UTRN: variants seen among roughly 807,000 people sequenced by gnomAD.
UTRN encodes the protein utrophin.
UTRN carries 283 observed loss-of-function variants against 463.9 expected under a neutral mutation model. The ratio of observed to expected loss-of-function variants is 0.61; its 90% CI spans 0.55 to 0.67. UTRN has a LOEUF of 0.67. Among genes scored for constraint, UTRN ranks in the 30% least tolerant of loss-of-function variants. The probability of loss-of-function intolerance (pLI) is 0.00; values close to 1 mark genes in which losing one functional copy is unlikely to be tolerated. For synonymous variants in UTRN, 1,442 were observed against 1,431.5 expected (o/e 1.01, Z -0.17); for missense variants, 3,922 against 4,084.3 (o/e 0.96, Z 1.08).
chr6:144,723,966 T>C lies in UTRN; in HGVS notation c.7810-6391T>C, dbSNP rs185851029. Among the ~76,000 whole-genome samples the C allele has an allele frequency of 7.4e-4, 94 of 127,074 alleles. No individual in the cohort carries two copies. The East Asian group carries it at 0.013, about 17-fold the overall frequency. The allele number at this position is 127,074 out of a possible 152,430, so 83.4% of individuals were successfully genotyped here. A position where few individuals can be genotyped will look rare whatever the true frequency, so the allele number is the denominator to read the frequency against. ...CAGAGGTTGCAGTGAGCCAAGATCA[T>C]GCCACTGCACTCCAGCTTGGGCGAC... On this transcript the variant is annotated intron_variant, in intron 53 of 74. Transcript: ENST00000367545.
intron 57 of UTRN, among the ~76,000 whole-genome samples, chr6:144,756,158 G>T (rs141105800): frequency 6.6e-6 from 1 of 152,182 alleles, no homozygotes; most frequent in African/African-American, 2.4e-5. Flanking sequence ...ATACTTATTA[G>T]ATTATTAAGT....
intron 51 of UTRN, among the ~76,000 whole-genome samples, chr6:144,597,996 A>C (rs1803832388): frequency 1.3e-5 from 2 of 152,350 alleles, no homozygotes; most frequent in South Asian, 4.1e-4. Context: ...ACAATGTTTG[A>C]AACATAGGGT....
At chr6:144,442,312 T>C (rs1180347414) in intron 13 of UTRN, among the ~76,000 whole-genome samples, 1 of 152,112 alleles carries the variant, frequency 6.6e-6, no homozygotes, top group Admixed American at 6.5e-5. Context: ...CTTCCACAGG[T>C]ACCCTAAATT....
At chr6:144,340,942 C>T (rs1777093691) in intron 2 of UTRN, among the ~76,000 whole-genome samples, 1 of 152,204 alleles carries the variant, frequency 6.6e-6, no homozygotes, top group Non-Finnish European at 1.5e-5. Flanking sequence ...GAAGCCTTTG[C>T]ACTTGTGTGT....
intron 54 of UTRN, among the ~76,000 whole-genome samples, chr6:144,746,656 T>C (rs1387883673): frequency 1.3e-5 from 2 of 151,656 alleles, no homozygotes; most frequent in Non-Finnish European, 2.9e-5. Flanking sequence ...TTTATATTTT[T>C]AGTAGAGATG....
At chr6:144,503,873 A>T (rs181331083) in intron 34 of UTRN, among the ~76,000 whole-genome samples, 26 of 152,304 alleles carry the variant, frequency 1.7e-4, no homozygotes, top group African/African-American at 6.0e-4. Flanking sequence ...CTTCCTATCC[A>T]CGAGCATGGA....
Position 144,459,156 on chromosome 6 carries a change from G to T in UTRN, c.2527-18G>T. On this transcript the variant is annotated intron_variant, in intron 20 of 74. Coordinates refer to ENST00000367545, the MANE Select transcript of UTRN (RefSeq NM_007124.3). ...TTCATCTTCAGTGAGTTGTGTGACC[G>T]TATTTTCTCTTCCTTAGCGGGAATT... 5 of 1,603,794 alleles carry T rather than the reference G, an allele frequency of 3.1e-6. 1 individual carries two copies. The South Asian group carries it at 5.6e-5, about 18-fold the overall frequency.
chr6:144,568,613 C>T (rs1800644882), intron 50 of UTRN, among the ~76,000 whole-genome samples: 3 of 152,124 alleles, frequency 2.0e-5, no homozygotes, highest in Non-Finnish European at 2.9e-5. Flanking sequence ...ACCTTTTTTG[C>T]GATCGGCACA....
intron 51 of UTRN, among the ~76,000 whole-genome samples, chr6:144,582,751 T>C (rs1802090657): frequency 6.6e-6 from 1 of 152,236 alleles, no homozygotes; most frequent in African/African-American, 2.4e-5. Context: ...ACTGGATCGC[T>C]CTGCTTTTAG....
intron 26 of UTRN, among the ~76,000 whole-genome samples, 181 bp downstream of exon 26, chr6:144,480,163 A>G (rs998338758): frequency 2.6e-5 from 4 of 152,252 alleles, no homozygotes; most frequent in African/African-American, 9.6e-5. Flanking sequence ...GAAGAAAGCC[A>G]GGAGTCCACA....
intron 43 of UTRN, among the ~76,000 whole-genome samples, chr6:144,536,461 C>G (rs1797542312): frequency 6.6e-6 from 1 of 151,966 alleles, no homozygotes; most frequent in Non-Finnish European, 1.5e-5. Context: ...TATTTTTAAT[C>G]TTAAAGGAGC....
chr6:144,444,125 G>C lies in UTRN; in HGVS notation c.1513-156G>C, dbSNP rs185089835. Reference sequence around the variant, plus strand: ...AGTTTTTCTGATTCATACATTTCTAGGCCTAGTCTGTTATTTTAAAGCAAT... The same window carrying C: ...AGTTTTTCTGATTCATACATTTCTACGCCTAGTCTGTTATTTTAAAGCAAT... On this transcript the variant is annotated intron_variant, in intron 13 of 74. Coordinates refer to ENST00000367545, the MANE Select transcript of UTRN (RefSeq NM_007124.3). 6.4e-4 allele frequency among the ~76,000 whole-genome samples: 97 copies of C among 152,068 alleles called. 1 individual carries two copies. Among genetic ancestry groups the C allele is most frequent in the African/African-American group, 2.0e-3 (85 of 41,492 alleles).
intron 52 of UTRN, among the ~76,000 whole-genome samples, chr6:144,698,193 A>C (rs1562782831): frequency 6.6e-6 from 1 of 152,194 alleles, no homozygotes; most frequent in Admixed American, 6.5e-5. Context: ...TGAAATTATT[A>C]GTTATCAGGG....
At chr6:144,327,768 C>A (rs1159730867) in intron 2 of UTRN, among the ~76,000 whole-genome samples, 1 of 151,978 alleles carries the variant, frequency 6.6e-6, no homozygotes, top group African/African-American at 2.4e-5. Flanking sequence ...CATGGCAAAA[C>A]CCCGTCTCTA....
intron 27 of UTRN, among the ~76,000 whole-genome samples, chr6:144,483,619 A>C (rs962345969): frequency 2.0e-5 from 3 of 151,854 alleles, no homozygotes; most frequent in Non-Finnish European, 4.4e-5. Context: ...ATTATTTTTA[A>C]ATTTTTTTTG....
chr6:144,435,866 A>G (rs1786487020), intron 9 of UTRN, 69 bp from the exon 10 acceptor site: 3 of 1,545,992 alleles, frequency 1.9e-6, no homozygotes, highest in East Asian at 2.4e-5. Flanking sequence ...TTCGCCATAC[A>G]GTGTGAGTTT....
intron 2 of UTRN, among the ~76,000 whole-genome samples, chr6:144,305,014 C>T (rs1282668192): frequency 6.6e-6 from 1 of 151,358 alleles, no homozygotes; most frequent in Non-Finnish European, 1.5e-5. Context: ...TCACTACAAT[C>T]TCCCCTTCCT....
intron 51 of UTRN, among the ~76,000 whole-genome samples, chr6:144,586,576 T>C (rs1802488048): frequency 6.6e-6 from 1 of 152,162 alleles, no homozygotes; most frequent in African/African-American, 2.4e-5. Flanking sequence ...ATTTAATTTG[T>C]TTTTATTGTT....
At chr6:144,741,465 C>T (rs4360150) in intron 54 of UTRN, among the ~76,000 whole-genome samples, 66,235 of 152,036 alleles carry the variant, frequency 0.44, 18,478 homozygotes, top group East Asian at 0.79. Context: ...TTAACAAGTA[C>T]GTTTTGAGTG....
Sources: gnomAD v4.1 joint callset for allele counts (sites outside exome capture counted in the v4.1 genomes callset) on GRCh38, gnomAD v4.1.1 for gene constraint, MANE v1.5 for transcripts, NCBI Gene and HGNC (gene_info 2026-07-23, HGNC 2026-07-21) for gene names.